Variants in NAALADL2 observed in about 807,000 individuals in gnomAD.
NAALADL2 encodes N-acetylated alpha-linked acidic dipeptidase like 2, also known as inactive N-acetylated-alpha-linked acidic dipeptidase-like protein 2.
NAALADL2 carries 76 observed loss-of-function variants against 87.2 expected under a neutral mutation model. That is an observed-to-expected ratio of 0.87 (90% CI 0.72 to 1.05). The LOEUF is 1.05. Ranked by LOEUF, NAALADL2 falls within the 50% of genes least tolerant of loss-of-function variation. The probability of loss-of-function intolerance (pLI) is 0.00; values close to 1 mark genes in which losing one functional copy is unlikely to be tolerated. For missense variants in NAALADL2, 1,089 were observed against 945.8 expected (o/e 1.15, Z -1.99); for synonymous variants, 354 against 331.0 (o/e 1.07, Z -0.75).
chr3:174,542,315 G>C (rs945341740), intron 1 of NAALADL2, among the ~76,000 whole-genome samples: 1 of 152,158 alleles, frequency 6.6e-6, no homozygotes, highest in African/African-American at 2.4e-5. Context: ...GAGTTGCAAA[G>C]GGCAGAGGTC....
chr3:174,958,132 G>T (rs1741423534), intron 1 of NAALADL2, among the ~76,000 whole-genome samples: 1 of 90,772 alleles, frequency 1.1e-5, no homozygotes. Context: ...ACAATATCCA[G>T]ACTTTTTTTT....
At chr3:175,419,075 A>G (rs554123679) in intron 5 of NAALADL2, among the ~76,000 whole-genome samples, 11 of 151,564 alleles carry the variant, frequency 7.3e-5, no homozygotes, top group African/African-American at 1.9e-4. Context: ...ACTCTAGCTC[A>G]CAGACCTGTC....
At chr3:174,848,702 G>A (rs1170321894) in intron 3 of NAALADL2, among the ~76,000 whole-genome samples, 1 of 152,116 alleles carries the variant, frequency 6.6e-6, no homozygotes, top group East Asian at 1.9e-4. Flanking sequence ...TTTGTAATGT[G>A]TGTTTTAAAC....
chr3:175,075,817 A>T (rs1327615604), intron 1 of NAALADL2, among the ~76,000 whole-genome samples: 1 of 152,210 alleles, frequency 6.6e-6, no homozygotes, highest in African/African-American at 2.4e-5. Context: ...AACTGTAAAA[A>T]CTAACTACGA....
intron 13 of NAALADL2, among the ~76,000 whole-genome samples, chr3:175,781,555 GA>G (rs1362523369): frequency 6.6e-6 from 1 of 150,910 alleles, no homozygotes; most frequent in Admixed American, 6.6e-5. Context: ...ATGATACATT[GA>G]ATTGTTATAT....
chr3:175,605,650 T>TTTTTTGTTTTG lies in NAALADL2; in HGVS notation c.1801-21636_1801-21635insGTTTTGTTTTT, dbSNP rs1553931408. On this transcript the variant is annotated intron_variant, in intron 10 of 13. Transcript: ENST00000454872. Reference sequence around the variant, plus strand: ...AGATGTATATTGCTTGTTTTTTTTTTTTTTTTAACTGTATTTAGATAACAC... The same window carrying TTTTTTGTTTTG: ...AGATGTATATTGCTTGTTTTTTTTTTTTTTTGTTTTGTTTTTTAACTGTATTTAGATAACAC... Among the ~76,000 whole-genome samples, 70 of 146,314 alleles carry TTTTTTGTTTTG rather than the reference T, an allele frequency of 4.8e-4. 1 individual carries two copies. The highest frequency in any genetic ancestry group is 1.8e-3 in the African/African-American group (68 of 37,340).
chr3:175,483,054 C>G (rs915576687), intron 9 of NAALADL2, among the ~76,000 whole-genome samples: 1 of 151,830 alleles, frequency 6.6e-6, no homozygotes, highest in Non-Finnish European at 1.5e-5. Flanking sequence ...CACAAATGCA[C>G]AAAATCACTA....
intron 5 of NAALADL2, among the ~76,000 whole-genome samples, chr3:175,388,534 A>C (rs1295916648): frequency 6.6e-6 from 1 of 152,104 alleles, no homozygotes; most frequent in South Asian, 2.1e-4. Flanking sequence ...TGAAAACACA[A>C]CCATCTAAAT....
chr3:174,641,152 C>T (rs573252), intron 2 of NAALADL2, among the ~76,000 whole-genome samples: 4 of 152,048 alleles, frequency 2.6e-5, no homozygotes, highest in South Asian at 2.1e-4. Context: ...GAGCCGCCCC[C>T]TCCTGCTGCC....
intron 11 of NAALADL2, among the ~76,000 whole-genome samples, chr3:175,685,698 C>T (rs1465212459): frequency 2.0e-5 from 3 of 152,000 alleles, no homozygotes; most frequent in Admixed American, 6.6e-5. Context: ...ATCTGAAGGG[C>T]AGCAGACTGG....
intron 2 of NAALADL2, among the ~76,000 whole-genome samples, chr3:174,587,675 C>A (rs542091950): frequency 5.3e-5 from 8 of 152,254 alleles, no homozygotes; most frequent in African/African-American, 1.7e-4. Context: ...ATTGAAAATT[C>A]TTTTCTTTAA....
intron 1 of NAALADL2, chr3:174,513,360 A>AT (rs978129064): frequency 2.6e-5 from 4 of 152,052 alleles, no homozygotes; most frequent in African/African-American, 9.7e-5. Flanking sequence ...TTAATGATTT[A>AT]TTTTTTCACC....
intron 2 of NAALADL2, among the ~76,000 whole-genome samples, chr3:174,628,494 A>AAG (rs1213291100): frequency 0.013 from 1,905 of 150,956 alleles, 24 homozygotes; most frequent in South Asian, 0.034. Context: ...AAAAAAAAAA[A>AAG]AAAGATTATC....
intron 2 of NAALADL2, among the ~76,000 whole-genome samples, chr3:174,618,163 G>T (rs1720653927): frequency 1.3e-5 from 2 of 151,704 alleles, no homozygotes; most frequent in South Asian, 2.1e-4. Context: ...GCCATTTCTT[G>T]AAGGGTATAT....
chr3:175,017,890 T>C (rs1308996178), intron 1 of NAALADL2, among the ~76,000 whole-genome samples: 2 of 152,080 alleles, frequency 1.3e-5, no homozygotes, highest in Non-Finnish European at 2.9e-5. Flanking sequence ...TTGCATTTTT[T>C]AAGTATCATG....
intron 5 of NAALADL2, among the ~76,000 whole-genome samples, chr3:175,444,922 C>G (rs1182661012): frequency 2.0e-5 from 3 of 152,228 alleles, no homozygotes; most frequent in East Asian, 1.9e-4. Flanking sequence ...TTGTGGTCTC[C>G]CAGATGATAA....
At chr3:175,595,340 T>C (rs113128859) in intron 10 of NAALADL2, among the ~76,000 whole-genome samples, 6,617 of 152,160 alleles carry the variant, frequency 0.043, 481 homozygotes, top group African/African-American at 0.15. Flanking sequence ...TTTTCTATTC[T>C]GTTCCATTGG....
chr3:175,616,215 C>T (rs1725330834), intron 10 of NAALADL2, among the ~76,000 whole-genome samples: 1 of 147,524 alleles, frequency 6.8e-6, no homozygotes, highest in African/African-American at 2.5e-5. Flanking sequence ...AAAATATATA[C>T]ATTTAATATT....
intron 13 of NAALADL2, among the ~76,000 whole-genome samples, chr3:175,790,926 A>G (rs901734787): frequency 6.6e-6 from 1 of 152,234 alleles, no homozygotes; most frequent in Non-Finnish European, 1.5e-5. Context: ...AAAACAAGAC[A>G]TCTTTGTATA....
Sources: allele counts gnomAD v4.1 joint callset (sites outside exome capture counted in the v4.1 genomes callset), GRCh38; gene constraint gnomAD v4.1.1; transcripts MANE v1.5; gene names NCBI Gene and HGNC (gene_info 2026-07-23, HGNC 2026-07-21).